Variants in ANO3 observed in about 807,000 individuals in gnomAD.
ANO3 encodes the protein anoctamin-3.
A neutral mutation model predicts 144.8 loss-of-function variants in ANO3; 99 were observed. The observed-to-expected ratio is 0.68, with a 90% CI of 0.58 to 0.81. The LOEUF (loss-of-function observed/expected upper bound fraction) is 0.81, where lower values mean the gene tolerates loss of function less well. Ranked by LOEUF, ANO3 falls within the 30% of genes least tolerant of loss-of-function variation. The pLI is 0.00. For missense variants in ANO3, 905 were observed against 1,202.2 expected (o/e 0.75, Z 3.66); for synonymous variants, 414 against 392.6 (o/e 1.05, Z -0.64).
At chr11:26,308,837 A>G (rs970106687), upstream of ANO3, among the ~76,000 whole-genome samples, 1 of 152,236 alleles carries the variant, frequency 6.6e-6, no homozygotes, top group South Asian at 2.1e-4. Flanking sequence ...ACTATGAACC[A>G]GGATCTATCC....
intron 23 of ANO3, among the ~76,000 whole-genome samples, chr11:26,646,954 G>A (rs935726888): frequency 1.3e-5 from 2 of 152,034 alleles, no homozygotes; most frequent in African/African-American, 2.4e-5. Context: ...ACAAATCAAT[G>A]TAGTACTTCA....
At chr11:26,631,823 A>G (rs1380338496) in intron 18 of ANO3, among the ~76,000 whole-genome samples, 1 of 152,164 alleles carries the variant, frequency 6.6e-6, no homozygotes, top group Non-Finnish European at 1.5e-5. Context: ...GCTTTAAAGT[A>G]TAGATAGCAA....
intron 1 of ANO3, among the ~76,000 whole-genome samples, chr11:26,211,018 C>T (rs117651467): frequency 0.014 from 2,142 of 152,122 alleles, 39 homozygotes; most frequent in East Asian, 0.1. Flanking sequence ...TAATAGACAT[C>T]GACACAACTC....
Position 26,194,493 on chromosome 11 carries a change from T to G in ANO3, c.154+5163T>G, listed in dbSNP as rs1223219378. On this transcript the variant is annotated intron_variant, in intron 1 of 27. Coordinates refer to the ANO3 transcript ENST00000672621. Reference sequence around the variant, plus strand: ...GTGTGTGTGTGTGTGTGTGTATTATTTATTTATTTATTTATTTATTATTTG... The same window carrying G: ...GTGTGTGTGTGTGTGTGTGTATTATGTATTTATTTATTTATTTATTATTTG... 9.3e-4 allele frequency among the ~76,000 whole-genome samples: 139 copies of G among 149,168 alleles called. 1 individual carries two copies. Among genetic ancestry groups the G allele is most frequent in the Middle Eastern group, 6.9e-3 (2 of 288 alleles).
At chr11:26,390,513 G>A (rs1461382) in intron 1 of ANO3, among the ~76,000 whole-genome samples, 40,391 of 151,900 alleles carry the variant, frequency 0.27, 6,031 homozygotes, top group African/African-American at 0.41. Context: ...TAAGGAAGTT[G>A]GCATTTATGG....
chr11:26,418,067 T>C (rs1397023565), intron 1 of ANO3, among the ~76,000 whole-genome samples: 2 of 152,090 alleles, frequency 1.3e-5, no homozygotes. Flanking sequence ...TATTCAATGA[T>C]AAAATATCAA....
At chr11:26,194,737 T>A (rs2133906358) in intron 1 of ANO3, among the ~76,000 whole-genome samples, 1 of 152,098 alleles carries the variant, frequency 6.6e-6, no homozygotes, top group Admixed American at 6.6e-5. Context: ...GCTAATTTTT[T>A]GTATTTTTAG....
At chr11:26,625,575 T>A (rs1157829413) in intron 18 of ANO3, among the ~76,000 whole-genome samples, 3 of 152,236 alleles carry the variant, frequency 2.0e-5, no homozygotes, top group East Asian at 1.9e-4. Context: ...CACTTCTGTA[T>A]TTTTTAAGCT....
rs560626168 is a variant in ANO3, at chr11:26,427,264, A to T, written c.47-14654A>T. ...AAATCCAGGATCCTAGGAACACCCC[A>T]TCCACCTGTATTTATAGGCGCCTCC... On this transcript the variant is annotated intron_variant, in intron 1 of 26. Coordinates refer to ENST00000256737, the MANE Select transcript of ANO3 (RefSeq NM_031418.4). 2 of 161,548 alleles carry T rather than the reference A, an allele frequency of 1.2e-5. 1 individual carries two copies. Among genetic ancestry groups the T allele is most frequent in the South Asian group, 3.6e-4 (2 of 5,626 alleles). 10.0% of individuals were successfully genotyped at this position (161,548 alleles called of 1,614,324 possible).
intron 19 of ANO3, among the ~76,000 whole-genome samples, 200 bp downstream of exon 19, chr11:26,634,515 A>G (rs1340794831): frequency 6.6e-6 from 1 of 152,208 alleles, no homozygotes; most frequent in Non-Finnish European, 1.5e-5. Flanking sequence ...AAAGAAGCAA[A>G]GAATTTTTGT....
intron 1 of ANO3, among the ~76,000 whole-genome samples, chr11:26,215,965 G>T (rs1054069069): frequency 6.6e-6 from 1 of 151,794 alleles, no homozygotes; most frequent in Non-Finnish European, 1.5e-5. Context: ...ATCAACCAGG[G>T]TACGATTATT....
chr11:26,539,329 G>C (rs950390442), intron 10 of ANO3, among the ~76,000 whole-genome samples: 2 of 152,144 alleles, frequency 1.3e-5, no homozygotes, highest in African/African-American at 4.8e-5. Flanking sequence ...AAGTACATGA[G>C]TGAGCAAGAA....
intron 1 of ANO3, among the ~76,000 whole-genome samples, chr11:26,209,312 A>G (rs1851882659): frequency 6.6e-6 from 1 of 152,228 alleles, no homozygotes; most frequent in African/African-American, 2.4e-5. Context: ...TGTGCCTGCA[A>G]AAGACATGAA....
At chr11:26,600,241 T>TTCCGC (rs1851751920) in intron 17 of ANO3, among the ~76,000 whole-genome samples, 1 of 87,798 alleles carries the variant, frequency 1.1e-5, no homozygotes, top group Non-Finnish European at 2.2e-5. Context: ...CTCGTCTCCT[T>TTCCGC]TCCTCTCCTC....
intron 5 of ANO3, among the ~76,000 whole-genome samples, chr11:26,510,517 C>T (rs1291381543): frequency 6.6e-6 from 1 of 152,186 alleles, no homozygotes; most frequent in African/African-American, 2.4e-5. Context: ...GAATTAATCA[C>T]TCTTCATCTG....
intron 1 of ANO3, among the ~76,000 whole-genome samples, chr11:26,264,868 T>G (rs773203420): frequency 3.4e-5 from 5 of 148,206 alleles, no homozygotes; most frequent in Non-Finnish European, 7.5e-5. Context: ...TTTTAAAGAT[T>G]TTTTTTTTCA....
intron 20 of ANO3, among the ~76,000 whole-genome samples, chr11:26,635,604 T>C (rs1005451111): frequency 1.6e-4 from 25 of 152,278 alleles, no homozygotes; most frequent in African/African-American, 6.0e-4. Context: ...ATGCCACCCC[T>C]ACCTAGACTG....
At chr11:26,653,095 AT>A (rs1274997347) in intron 24 of ANO3, among the ~76,000 whole-genome samples, 9 of 152,036 alleles carry the variant, frequency 5.9e-5, no homozygotes, top group Non-Finnish European at 1.5e-5. Flanking sequence ...ATTTCTATTT[AT>A]TTCCTTGACC....
intron 1 of ANO3, among the ~76,000 whole-genome samples, chr11:26,288,182 G>A (rs1853852413): frequency 6.6e-6 from 1 of 152,200 alleles, no homozygotes; most frequent in Non-Finnish European, 1.5e-5. Flanking sequence ...AGAGGCATAA[G>A]AGAAGGGTGG....
Sources: allele counts gnomAD v4.1 joint callset (sites outside exome capture counted in the v4.1 genomes callset), GRCh38; gene constraint gnomAD v4.1.1; transcripts MANE v1.5; gene names NCBI Gene and HGNC (gene_info 2026-07-23, HGNC 2026-07-21).